The following CSNK2A2IP variants were observed in gnomAD, a reference collection of about 807,000 sequenced individuals.
CSNK2A2IP encodes the protein casein kinase II subunit alpha'-interacting protein.
the CSNK2A2IP span, among the ~76,000 whole-genome samples, chr3:88,349,692 C>T: frequency 2.6e-3 from 400 of 152,154 alleles, 1 homozygote; most frequent in African/African-American, 9.3e-3. Context: ...TTTACTCTTA[C>T]TCTTTAATGA....
chr3:88,413,042 ATTTTTTATTGCTAAG>A, the CSNK2A2IP span, among the ~76,000 whole-genome samples: 1 of 152,004 alleles, frequency 6.6e-6, no homozygotes, highest in Non-Finnish European at 1.5e-5. Flanking sequence ...CAGAAGCTAA[ATTTTTTATTGCTAAG>A]TTTTTTATTT....
At chr3:88,455,225 A>G in the CSNK2A2IP span, among the ~76,000 whole-genome samples, 2 of 151,992 alleles carry the variant, frequency 1.3e-5, no homozygotes, top group African/African-American at 2.4e-5. Context: ...TTATTTTGGT[A>G]TATACCTAGA....
At chr3:88,414,193 A>T in the CSNK2A2IP span, among the ~76,000 whole-genome samples, 1 of 147,246 alleles carries the variant, frequency 6.8e-6, no homozygotes, top group Non-Finnish European at 1.5e-5. Context: ...TAACATATAT[A>T]TGTATATATA....
the CSNK2A2IP span, among the ~76,000 whole-genome samples, chr3:88,369,582 T>A: frequency 6.6e-6 from 1 of 151,892 alleles, no homozygotes; most frequent in African/African-American, 2.4e-5. Context: ...GGGAAAATTC[T>A]AGAAGGAGGA....
At chr3:88,458,211 C>T in the CSNK2A2IP span, among the ~76,000 whole-genome samples, 267 of 122,282 alleles carry the variant, frequency 2.2e-3, no homozygotes, top group Middle Eastern at 0.04. Context: ...AGTGCAGTGG[C>T]TTGATCTTGG....
chr3:88,394,440 TC>T, the CSNK2A2IP span, among the ~76,000 whole-genome samples: 637 of 152,342 alleles, frequency 4.2e-3, 5 homozygotes, highest in African/African-American at 0.012. Flanking sequence ...TGGCATGATC[TC>T]AGTTCACTGC....
chr3:88,382,325 G>C, the CSNK2A2IP span, among the ~76,000 whole-genome samples: 1 of 152,142 alleles, frequency 6.6e-6, no homozygotes, highest in Non-Finnish European at 1.5e-5. Context: ...TCTGTGACAT[G>C]AGTCTGTGAT....
the CSNK2A2IP span, among the ~76,000 whole-genome samples, chr3:88,416,549 T>C: frequency 6.6e-6 from 1 of 152,186 alleles, no homozygotes; most frequent in African/African-American, 2.4e-5. Flanking sequence ...TGCATTGTTA[T>C]AGCTTTGAGG....
chr3:88,378,697 T>C, the CSNK2A2IP span, among the ~76,000 whole-genome samples: 3 of 152,090 alleles, frequency 2.0e-5, no homozygotes, highest in Admixed American at 2.0e-4. Flanking sequence ...ATTTATATTA[T>C]GGTAGCATAC....
the CSNK2A2IP span, among the ~76,000 whole-genome samples, chr3:88,403,449 A>G: frequency 6.6e-6 from 1 of 152,104 alleles, no homozygotes; most frequent in South Asian, 2.1e-4. Flanking sequence ...TATCTTACTC[A>G]TTGATACCAA....
chr3:88,394,860 C>T, the CSNK2A2IP span, among the ~76,000 whole-genome samples: 2 of 152,120 alleles, frequency 1.3e-5, no homozygotes, highest in Non-Finnish European at 2.9e-5. Context: ...AAGGAAACAA[C>T]AGACACTGGG....
the CSNK2A2IP span, among the ~76,000 whole-genome samples, chr3:88,350,221 C>A: frequency 6.6e-6 from 1 of 152,088 alleles, no homozygotes; most frequent in African/African-American, 2.4e-5. Context: ...AAACTCATTT[C>A]CTTTCTTGAA....
chr3:88,351,598 C>A, the CSNK2A2IP span, among the ~76,000 whole-genome samples: 1 of 151,972 alleles, frequency 6.6e-6, no homozygotes, highest in Non-Finnish European at 1.5e-5. Context: ...TGATATCACA[C>A]CGTATACTGT....
chr3:88,359,805 G>T, the CSNK2A2IP span, among the ~76,000 whole-genome samples: 2 of 152,134 alleles, frequency 1.3e-5, no homozygotes, highest in Admixed American at 6.5e-5. Flanking sequence ...CCTTGAGAAT[G>T]TTCCTTGTGC....
the CSNK2A2IP span, among the ~76,000 whole-genome samples, chr3:88,371,173 G>A: frequency 6.6e-6 from 1 of 151,866 alleles, no homozygotes; most frequent in African/African-American, 2.4e-5. Context: ...AAAATGGAAA[G>A]TGTGATGCAT....
chr3:88,446,181 C>T, the CSNK2A2IP span, among the ~76,000 whole-genome samples: 60 of 151,450 alleles, frequency 4.0e-4, no homozygotes, highest in African/African-American at 1.4e-3. Flanking sequence ...GATCTTGGCT[C>T]ACTGCAACCT....
At chr3:88,388,716 C>A in the CSNK2A2IP span, among the ~76,000 whole-genome samples, 1 of 152,136 alleles carries the variant, frequency 6.6e-6, no homozygotes, top group South Asian at 2.1e-4. Flanking sequence ...CTTCATATCC[C>A]TGTATAGATA....
chr3:88,395,491 T>A, the CSNK2A2IP span, among the ~76,000 whole-genome samples: 1 of 152,258 alleles, frequency 6.6e-6, no homozygotes, highest in Admixed American at 6.5e-5. Flanking sequence ...CCTGTACATC[T>A]AATTTAGAAC....
the CSNK2A2IP span, among the ~76,000 whole-genome samples, chr3:88,355,467 A>G: frequency 2.0e-5 from 3 of 152,122 alleles, no homozygotes; most frequent in Non-Finnish European, 4.4e-5. Flanking sequence ...CCAAAGGGAC[A>G]TGTCCTACTG....
Sources: allele counts gnomAD v4.1 joint callset (sites outside exome capture counted in the v4.1 genomes callset), GRCh38; gene constraint gnomAD v4.1.1; transcripts MANE v1.5; gene names NCBI Gene and HGNC (gene_info 2026-07-23, HGNC 2026-07-21).